TBL1XR1: variants seen among roughly 807,000 people sequenced by gnomAD.
TBL1XR1 encodes the protein F-box-like/WD repeat-containing protein TBL1XR1.
Under a neutral mutation model 66.9 loss-of-function variants are expected in TBL1XR1, and 5 were observed. The ratio of observed to expected loss-of-function variants is 0.07; its 90% CI spans 0.04 to 0.16. The LOEUF (loss-of-function observed/expected upper bound fraction) is 0.16. TBL1XR1 is among the 10% of genes least tolerant of loss of function. The pLI is 1.00. For missense variants in TBL1XR1, 238 were observed against 623.2 expected (o/e 0.38, Z 6.58); for synonymous variants, 210 against 206.0 (o/e 1.02, Z -0.17).
intron 1 of TBL1XR1, among the ~76,000 whole-genome samples, chr3:177,167,023 T>C (rs1732904403): frequency 6.6e-6 from 1 of 152,216 alleles, no homozygotes; most frequent in South Asian, 2.1e-4. Context: ...TTAAATCTTG[T>C]GTCCACACAA....
intron 9 of TBL1XR1, 88 bp from the exon 10 acceptor site, chr3:177,046,277 T>C: frequency 1.1e-6 from 1 of 919,856 alleles, no homozygotes; most frequent in South Asian, 1.8e-5. Flanking sequence ...ATTACAGCAA[T>C]ATGAAATGTC....
In TBL1XR1 at chr3:177,095,918, T is replaced by C. The variant is rs533646570; in HGVS notation, c.-46+2548A>G. 1.2e-4 allele frequency among the ~76,000 whole-genome samples: 19 copies of C among 152,346 alleles called. No individual in the cohort carries two copies. The South Asian group carries it at 3.9e-3, about 32-fold the overall frequency. ...AGGGGAAGAAAAATGTTTGAGGAGA[T>C]GGATATCCCACTTATCCTAACTTGA... On this transcript the variant is annotated intron_variant, in intron 2 of 15. Transcript: ENST00000457928.
At position 177,040,402 on chromosome 3, in the gene TBL1XR1, G is replaced by C. The variant is rs188282392; in HGVS notation, c.926-1968C>G. On this transcript the variant is annotated intron_variant, in intron 10 of 15. Coordinates refer to ENST00000457928, the MANE Select transcript of TBL1XR1 (RefSeq NM_024665.7). ...AATAAAGGAGATTAGAGACGTCTGT[G>C]GAAAGGGAAAACAAAGCCACAAACT... 6.6e-5 allele frequency among the ~76,000 whole-genome samples: 10 copies of C among 152,278 alleles called. No individual in the cohort carries two copies. The East Asian group carries it at 1.7e-3, about 26-fold the overall frequency.
At chr3:177,032,192 C>A (rs1714099237) in intron 14 of TBL1XR1, 1 of 152,086 alleles carries the variant, frequency 6.6e-6, no homozygotes, top group Non-Finnish European at 1.5e-5. Flanking sequence ...AAAATTGTTA[C>A]CAGCAGGAGA....
chr3:177,097,054 T>G (rs1054334770), intron 2 of TBL1XR1, among the ~76,000 whole-genome samples: 2 of 152,184 alleles, frequency 1.3e-5, no homozygotes, highest in South Asian at 4.1e-4. Flanking sequence ...AAAATCCTCC[T>G]ATCAACATAC....
chr3:177,096,171 T>G (rs138334263), intron 2 of TBL1XR1, among the ~76,000 whole-genome samples: 1 of 152,298 alleles, frequency 6.6e-6, no homozygotes, highest in East Asian at 1.9e-4. Context: ...ATTGCATTTC[T>G]GAGGGTCATG....
intron 1 of TBL1XR1, among the ~76,000 whole-genome samples, chr3:177,166,244 GATA>G (rs1732806485): frequency 6.6e-6 from 1 of 151,578 alleles, no homozygotes; most frequent in African/African-American, 2.4e-5. Flanking sequence ...CAATAACAAT[GATA>G]ATGAGATAAA....
chr3:177,089,500 C>CA (rs946641567), intron 2 of TBL1XR1, among the ~76,000 whole-genome samples: 6 of 152,242 alleles, frequency 3.9e-5, no homozygotes, highest in African/African-American at 1.4e-4. Context: ...TCCAACTGAA[C>CA]AAAAAAATTA....
At chr3:177,060,604 G>A (rs946178195) in intron 3 of TBL1XR1, among the ~76,000 whole-genome samples, 7 of 152,092 alleles carry the variant, frequency 4.6e-5, no homozygotes, top group Non-Finnish European at 7.4e-5. Context: ...TGTCTTATAA[G>A]AAAACCAGGT....
At chr3:177,098,383 T>C (rs1420930191) in intron 2 of TBL1XR1, 83 bp downstream of exon 2, 5 of 817,252 alleles carry the variant, frequency 6.1e-6, no homozygotes, top group East Asian at 1.2e-4. Flanking sequence ...TTTTGTCAAA[T>C]TGTGAGAAAC....
rs113380407 is a variant in TBL1XR1 at position 177,074,256 on chromosome 3, T to C, written c.-45-9234A>G. Among the ~76,000 whole-genome samples the C allele has an allele frequency of 2.7e-3, 416 of 152,312 alleles. 1 individual carries two copies. The highest frequency in any genetic ancestry group is 9.6e-3 in the African/African-American group (399 of 41,560). On this transcript the variant is annotated intron_variant, in intron 2 of 15. Transcript: ENST00000457928. ...AAGAGCTAGAGAATAGAGAGGCATA[T>C]GTGTTTAATAATGCCAAGAAACTAG...
chr3:177,161,010 T>C (rs60095861), intron 1 of TBL1XR1: 1 of 149,018 alleles, frequency 6.7e-6, no homozygotes, highest in African/African-American at 2.5e-5. Context: ...AAAAAAAAAA[T>C]AAAGATCTAA....
At chr3:177,196,838 G>A (rs925441256) in intron 1 of TBL1XR1, among the ~76,000 whole-genome samples, 8 of 151,842 alleles carry the variant, frequency 5.3e-5, no homozygotes, top group African/African-American at 1.7e-4. Flanking sequence ...CATAATTAGG[G>A]TGAGGATCCC....
chr3:177,197,912 A>G (rs936966766), upstream of TBL1XR1, among the ~76,000 whole-genome samples: 140 of 146,208 alleles, frequency 9.6e-4, no homozygotes, highest in Middle Eastern at 3.5e-3. Context: ...TGGGCCCGAG[A>G]CGGGTGGGGG....
Position 177,121,904 on chromosome 3 carries a change from T to A in TBL1XR1, c.-121-23363A>T, listed in dbSNP as rs550290429. ...ACTAATAAAAAGAGCCATTAATTAC[T>A]GGAAACCTAGAATTACTAGAAGTCC... On this transcript the variant is annotated intron_variant, in intron 1 of 15. Transcript: ENST00000457928. Among the ~76,000 whole-genome samples, 7 of 152,130 alleles carry A rather than the reference T, an allele frequency of 4.6e-5. No individual in the cohort carries two copies. The East Asian group carries it at 1.4e-3, about 29-fold the overall frequency.
At chr3:177,090,921 C>T (rs539159314) in intron 2 of TBL1XR1, among the ~76,000 whole-genome samples, 4 of 152,130 alleles carry the variant, frequency 2.6e-5, no homozygotes, top group African/African-American at 7.2e-5. Flanking sequence ...CCCAGAAGGT[C>T]GGGGCTGCAG....
At chr3:177,121,340 T>C (rs952432117) in intron 1 of TBL1XR1, among the ~76,000 whole-genome samples, 5 of 152,212 alleles carry the variant, frequency 3.3e-5, no homozygotes, top group Non-Finnish European at 7.4e-5. Flanking sequence ...GGTAATTCAT[T>C]ATTCTTTTAT....
At chr3:177,174,391 A>T (rs374664647) in intron 1 of TBL1XR1, among the ~76,000 whole-genome samples, 195 of 137,892 alleles carry the variant, frequency 1.4e-3, no homozygotes, top group African/African-American at 5.3e-3. Flanking sequence ...CCTGGGTGAC[A>T]GAGCGAGACT....
chr3:177,063,720 G>A (rs1229074896), intron 3 of TBL1XR1, among the ~76,000 whole-genome samples: 4 of 152,012 alleles, frequency 2.6e-5, no homozygotes, highest in Admixed American at 2.6e-4. Context: ...TTTAAACAAA[G>A]AAAACAAAAC....
Sources: allele counts gnomAD v4.1 joint callset (sites outside exome capture counted in the v4.1 genomes callset), GRCh38; gene constraint gnomAD v4.1.1; transcripts MANE v1.5; gene names NCBI Gene and HGNC (gene_info 2026-07-23, HGNC 2026-07-21).